Variants in DPP10 observed in about 807,000 individuals in gnomAD.
DPP10 encodes inactive dipeptidyl peptidase 10.
A neutral mutation model predicts 120.9 loss-of-function variants in DPP10; 33 were observed. The ratio of observed to expected loss-of-function variants is 0.27; its 90% confidence interval spans 0.21 to 0.37. The LOEUF (loss-of-function observed/expected upper bound fraction) is 0.37, where lower values mean the gene tolerates loss of function less well. Ranked by LOEUF, DPP10 falls within the 10% of genes least tolerant of loss-of-function variation. The pLI is 1.00. For synonymous variants in DPP10, 337 were observed against 326.1 expected (o/e 1.03, Z -0.36); for missense variants, 816 against 942.8 (o/e 0.87, Z 1.76).
intron 19 of DPP10, among the ~76,000 whole-genome samples, chr2:115,808,645 A>G (rs1033511539): frequency 6.6e-6 from 1 of 152,184 alleles, no homozygotes; most frequent in African/African-American, 2.4e-5. Context: ...GGCTCAACTC[A>G]GTTTGATTTG....
At chr2:114,961,306 G>A (rs1037708334) in intron 1 of DPP10, among the ~76,000 whole-genome samples, 12 of 151,894 alleles carry the variant, frequency 7.9e-5, no homozygotes, top group East Asian at 3.9e-4. Flanking sequence ...TGCCCACCTC[G>A]GCCTCTCAAA....
In DPP10 at chr2:114,725,677, C is replaced by T. The variant is rs573515268; in HGVS notation, c.60+282839C>T. Reference sequence around the variant, plus strand: ...TTTTCATGGACATTACTTACTCTCTCAAAATAGTCCCCTAGAATAGATGTG... The same window carrying T: ...TTTTCATGGACATTACTTACTCTCTTAAAATAGTCCCCTAGAATAGATGTG... On this transcript the variant is annotated intron_variant, in intron 1 of 25. Coordinates refer to ENST00000410059, the MANE Select transcript of DPP10 (RefSeq NM_020868.6). 7.2e-5 allele frequency among the ~76,000 whole-genome samples: 11 copies of T among 152,296 alleles called. No homozygotes were observed. In the South Asian group the frequency reaches 2.3e-3, roughly 32 times the overall value.
chr2:114,991,227 C>G (rs888288856), intron 1 of DPP10, among the ~76,000 whole-genome samples: 1 of 152,144 alleles, frequency 6.6e-6, no homozygotes, highest in Non-Finnish European at 1.5e-5. Context: ...ACAGCCCTAG[C>G]CAACTGTCCA....
intron 1 of DPP10, among the ~76,000 whole-genome samples, chr2:114,560,565 T>G (rs941059949): frequency 6.6e-6 from 1 of 152,090 alleles, no homozygotes; most frequent in Non-Finnish European, 1.5e-5. Flanking sequence ...TTGGCACTGG[T>G]CCTGGGTGAG....
At chr2:115,541,160 T>G (rs1398832529) in intron 5 of DPP10, among the ~76,000 whole-genome samples, 1 of 151,956 alleles carries the variant, frequency 6.6e-6, no homozygotes, top group Non-Finnish European at 1.5e-5. Flanking sequence ...TACCTGTATT[T>G]ATTAGTTATT....
At chr2:115,645,107 T>G (rs1443616696) in intron 5 of DPP10, among the ~76,000 whole-genome samples, 1 of 152,122 alleles carries the variant, frequency 6.6e-6, no homozygotes, top group African/African-American at 2.4e-5. Flanking sequence ...TGAAAAGTAT[T>G]CTCAAATGGG....
At chr2:115,462,736 T>G (rs2074067522) in intron 3 of DPP10, among the ~76,000 whole-genome samples, 1 of 152,172 alleles carries the variant, frequency 6.6e-6, no homozygotes, top group African/African-American at 2.4e-5. Flanking sequence ...TTGTTTTTGT[T>G]CCTGCTTTTG....
intron 1 of DPP10, among the ~76,000 whole-genome samples, chr2:115,240,191 G>C (rs531299413): frequency 3.3e-5 from 5 of 152,248 alleles, no homozygotes; most frequent in African/African-American, 1.2e-4. Context: ...GTCTTCCACA[G>C]TTGTTGAACT....
intron 5 of DPP10, among the ~76,000 whole-genome samples, chr2:115,666,823 A>T (rs1374777287): frequency 3.3e-5 from 5 of 152,172 alleles, no homozygotes; most frequent in African/African-American, 9.7e-5. Context: ...TTCTTTGAAA[A>T]ATCACTAAAT....
At chr2:115,166,201 A>T (rs1447821725) in intron 1 of DPP10, among the ~76,000 whole-genome samples, 1 of 152,150 alleles carries the variant, frequency 6.6e-6, no homozygotes, top group African/African-American at 2.4e-5. Context: ...TTATTCTTCC[A>T]TGTGCCCTTT....
chr2:115,146,375 G>T (rs1432684794), intron 1 of DPP10, among the ~76,000 whole-genome samples: 1 of 151,932 alleles, frequency 6.6e-6, no homozygotes, highest in Non-Finnish European at 1.5e-5. Flanking sequence ...CCAAGTAGCA[G>T]TTTTGATACT....
At chr2:114,826,272 T>C (rs948403778) in intron 1 of DPP10, among the ~76,000 whole-genome samples, 3 of 152,230 alleles carry the variant, frequency 2.0e-5, no homozygotes, top group African/African-American at 7.2e-5. Flanking sequence ...ATTTATTTAC[T>C]GACTTCACTG....
At chr2:114,787,126 G>A (rs1435691754) in intron 1 of DPP10, among the ~76,000 whole-genome samples, 2 of 152,222 alleles carry the variant, frequency 1.3e-5, no homozygotes, top group South Asian at 2.1e-4. Context: ...GACTGGGGTA[G>A]GGTAGGGGAT....
At chr2:115,479,284 C>T (rs1367417433) in intron 3 of DPP10, among the ~76,000 whole-genome samples, 1 of 151,898 alleles carries the variant, frequency 6.6e-6, no homozygotes, top group Non-Finnish European at 1.5e-5. Context: ...AAGGTTCATC[C>T]ATGCTAAGGG....
Position 114,959,251 on chromosome 2 carries a change from G to A in DPP10, c.61-349988G>A, listed in dbSNP as rs1376621376. On this transcript the variant is annotated intron_variant, in intron 1 of 25. Transcript: ENST00000410059. ...AAAGTGTACAATTCACTAGTTTTAA[G>A]TATATTCACAATCACTAGTCTGTCT... Among the ~76,000 whole-genome samples the A allele has an allele frequency of 2.0e-5, 3 of 152,118 alleles. No individual in the cohort carries two copies. In the East Asian group the frequency reaches 5.8e-4, roughly 29 times the overall value.
At chr2:114,739,309 A>G (rs1008009817) in intron 1 of DPP10, among the ~76,000 whole-genome samples, 11 of 152,306 alleles carry the variant, frequency 7.2e-5, no homozygotes, top group African/African-American at 2.4e-4. Flanking sequence ...TTGTCAATTC[A>G]TATAAATATG....
chr2:114,501,803 T>C (rs1375602182), intron 1 of DPP10, among the ~76,000 whole-genome samples: 1 of 152,168 alleles, frequency 6.6e-6, no homozygotes, highest in African/African-American at 2.4e-5. Flanking sequence ...GATAAAATAT[T>C]ACTCAGAAGT....
At chr2:115,121,653 G>A (rs1573690800) in intron 1 of DPP10, among the ~76,000 whole-genome samples, 1 of 152,166 alleles carries the variant, frequency 6.6e-6, no homozygotes, top group East Asian at 1.9e-4. Context: ...CAGTGGTCTG[G>A]TCTTCTGCAC....
chr2:114,450,940 C>T (rs1480207662), intron 1 of DPP10, among the ~76,000 whole-genome samples: 1 of 152,024 alleles, frequency 6.6e-6, no homozygotes, highest in Non-Finnish European at 1.5e-5. Flanking sequence ...CCTTAATTTC[C>T]AAGATGAATC....
Sources: gnomAD v4.1 joint callset for allele counts (sites outside exome capture counted in the v4.1 genomes callset) on GRCh38, gnomAD v4.1.1 for gene constraint, MANE v1.5 for transcripts, NCBI Gene and HGNC (gene_info 2026-07-23, HGNC 2026-07-21) for gene names.